Variants in KCNQ3 observed in about 807,000 individuals in gnomAD.
The protein encoded by KCNQ3 is potassium voltage-gated channel subfamily Q member 3.
A neutral mutation model predicts 92.5 loss-of-function variants in KCNQ3; 30 were observed. The ratio of observed to expected loss-of-function variants is 0.32; its 90% confidence interval spans 0.24 to 0.44. KCNQ3 has a LOEUF of 0.44. KCNQ3 is among the 20% of genes least tolerant of loss of function. The pLI is 1.00. For synonymous variants in KCNQ3, 450 were observed against 468.8 expected, an observed-to-expected ratio of 0.96 and a Z score of 0.52; for missense variants, 913 against 1,140.3, an observed-to-expected ratio of 0.80 and a Z score of 2.87.
intron 9 of KCNQ3, among the ~76,000 whole-genome samples, chr8:132,153,180 A>G (rs967723298): frequency 1.3e-5 from 2 of 152,202 alleles, no homozygotes; most frequent in Non-Finnish European, 2.9e-5. Flanking sequence ...AAAAATCTGG[A>G]TCAATATTCT....
In KCNQ3 at chr8:132,316,143, C is replaced by A. The variant is rs139587914; in HGVS notation, c.387-129962G>T. Among the ~76,000 whole-genome samples, 978 of 152,096 alleles carry A rather than the reference C, an allele frequency of 6.4e-3. 7 individuals are homozygous for A. Among genetic ancestry groups the A allele is most frequent in the Non-Finnish European group, 0.011 (741 of 67,990 alleles). On this transcript the variant is annotated intron_variant, in intron 1 of 14. Coordinates refer to ENST00000388996, the MANE Select transcript of KCNQ3 (RefSeq NM_004519.4). The stretch of plus-strand genomic sequence containing the variant: ...GTATTTTAAAAGACTACATTTGTCC[C>A]CAGATAAGCCATCGTGATTAAATGG...
chr8:132,376,777 A>G (rs996112848), intron 1 of KCNQ3, among the ~76,000 whole-genome samples: 2 of 152,168 alleles, frequency 1.3e-5, no homozygotes, highest in African/African-American at 4.8e-5. Flanking sequence ...TGTTCTCTTC[A>G]TTTCATTAAG....
At chr8:132,192,891 C>T (rs1342758797) in intron 1 of KCNQ3, among the ~76,000 whole-genome samples, 3 of 152,226 alleles carry the variant, frequency 2.0e-5, no homozygotes, top group Non-Finnish European at 2.9e-5. Context: ...AGGTGATCCA[C>T]CTGACTCGGC....
intron 1 of KCNQ3, among the ~76,000 whole-genome samples, chr8:132,348,311 A>C (rs1221197287): frequency 6.6e-6 from 1 of 152,168 alleles, no homozygotes; most frequent in Non-Finnish European, 1.5e-5. Flanking sequence ...ATATCTGTGT[A>C]AATTTGCAAC....
At chr8:132,228,522 T>C (rs1350987004) in intron 1 of KCNQ3, among the ~76,000 whole-genome samples, 1 of 152,172 alleles carries the variant, frequency 6.6e-6, no homozygotes, top group Non-Finnish European at 1.5e-5. Flanking sequence ...TTGAGAGTTT[T>C]AGATTAATTA....
In KCNQ3 at chr8:132,351,575, T is replaced by G. The variant is rs545548083; in HGVS notation, c.386+128572A>C. ...GGTGTTCCCTCCTCCACAGTGGCTG[T>G]GGGGCTGGAAGTAGGCCCTCCCAGT... On this transcript the variant is annotated intron_variant, in intron 1 of 14. Coordinates refer to ENST00000388996, the MANE Select transcript of KCNQ3 (RefSeq NM_004519.4). 4.4e-3 allele frequency among the ~76,000 whole-genome samples: 676 copies of G among 152,276 alleles called. 3 individuals are homozygous for G. Among genetic ancestry groups the G allele is most frequent in the African/African-American group, 0.014 (595 of 41,568 alleles).
chr8:132,369,673 T>C (rs559522072), intron 1 of KCNQ3, among the ~76,000 whole-genome samples: 8 of 152,144 alleles, frequency 5.3e-5, no homozygotes, highest in African/African-American at 1.9e-4. Context: ...TGAGGAACTG[T>C]GGTTCAGCAA....
At chr8:132,234,276 G>C (rs2130382428) in intron 1 of KCNQ3, among the ~76,000 whole-genome samples, 1 of 151,502 alleles carries the variant, frequency 6.6e-6, no homozygotes, top group Middle Eastern at 3.5e-3. Context: ...CTGTAAAGTG[G>C]GTGTTCAGAT....
chr8:132,159,511 T>C (rs1158540030), intron 9 of KCNQ3, among the ~76,000 whole-genome samples: 2 of 152,118 alleles, frequency 1.3e-5, no homozygotes, highest in African/African-American at 4.8e-5. Flanking sequence ...TCAAACTGGG[T>C]CAATCTGAGT....
At position 132,480,627 on chromosome 8, in the gene KCNQ3, C is replaced by T; in HGVS notation, c.-95G>A. The stretch of plus-strand genomic sequence containing the variant: ...GTGAACGAGGCGGCGGCGGCGGCTG[C>T]AAGCCCGGGAACTCCAATGCCATGA... On this transcript the variant is annotated 5_prime_UTR_variant, in exon 1 of 15. Coordinates refer to ENST00000388996, the MANE Select transcript of KCNQ3 (RefSeq NM_004519.4). The T allele has an allele frequency of 8.5e-7, 1 of 1,175,536 alleles. No homozygotes were observed. Among genetic ancestry groups the T allele is most frequent in the Non-Finnish European group, 1.1e-6 (1 of 931,524 alleles). The allele number at this position is 1,175,536 out of a possible 1,614,324, so 72.8% of individuals were successfully genotyped here.
At chr8:132,178,633 G>T (rs1826647651) in intron 4 of KCNQ3, among the ~76,000 whole-genome samples, 1 of 152,010 alleles carries the variant, frequency 6.6e-6, no homozygotes. Flanking sequence ...GAGCCAAGTT[G>T]CTGTCTGACT....
At chr8:132,268,031 T>G (rs1263311579) in intron 1 of KCNQ3, among the ~76,000 whole-genome samples, 2 of 152,168 alleles carry the variant, frequency 1.3e-5, no homozygotes, top group African/African-American at 4.8e-5. Context: ...GGATCCACCA[T>G]AACAGTACCA....
Position 132,480,670 on chromosome 8 carries a change from A to AGC in KCNQ3, c.-139_-138insGC. Reference sequence around the variant, plus strand: ...TGCCATGATCCGCGCGCCCCTCCCCACCCCCCCCCAAAAGCAGGCAAAGGC... The same window carrying AGC: ...TGCCATGATCCGCGCGCCCCTCCCCAGCCCCCCCCCCAAAAGCAGGCAAAGGC... On this transcript the variant is annotated 5_prime_UTR_variant, in exon 1 of 15. Coordinates refer to ENST00000388996, the MANE Select transcript of KCNQ3 (RefSeq NM_004519.4). 1 of 723,904 alleles carries AGC rather than the reference A, an allele frequency of 1.4e-6. No homozygotes were observed. Among genetic ancestry groups the AGC allele is most frequent in the Non-Finnish European group, 1.7e-6 (1 of 599,900 alleles). The allele number at this position is 723,904 out of a possible 1,614,324, so 44.8% of individuals were successfully genotyped here. A position where few individuals can be genotyped will look rare whatever the true frequency, so the allele number is the denominator to read the frequency against.
intron 1 of KCNQ3, among the ~76,000 whole-genome samples, chr8:132,440,729 G>T (rs953113477): frequency 3.9e-5 from 6 of 152,132 alleles, no homozygotes; most frequent in African/African-American, 7.2e-5. Flanking sequence ...CAGGAGGGGG[G>T]TTACTAACCC....
chr8:132,230,050 C>G (rs979698590), intron 1 of KCNQ3, among the ~76,000 whole-genome samples: 1 of 152,154 alleles, frequency 6.6e-6, no homozygotes, highest in Non-Finnish European at 1.5e-5. Context: ...GTCTGGGAAG[C>G]CAGCTTTGTC....
intron 1 of KCNQ3, among the ~76,000 whole-genome samples, chr8:132,239,779 G>A (rs1350715086): frequency 1.3e-5 from 2 of 152,164 alleles, no homozygotes; most frequent in Non-Finnish European, 2.9e-5. Flanking sequence ...TGTATCCCAC[G>A]ATAGTTGAGT....
intron 1 of KCNQ3, among the ~76,000 whole-genome samples, chr8:132,317,827 G>C (rs1586922098): frequency 6.6e-6 from 1 of 152,188 alleles, no homozygotes; most frequent in East Asian, 1.9e-4. Context: ...ATAGATTCAT[G>C]CTCAGAGAGA....
intron 12 of KCNQ3, 65 bp from the exon 13 acceptor site, chr8:132,134,453 C>A: frequency 1.8e-6 from 2 of 1,103,274 alleles, no homozygotes; most frequent in South Asian, 1.3e-5. Flanking sequence ...GAAAACAAAT[C>A]ATTCTATTCT....
intron 1 of KCNQ3, among the ~76,000 whole-genome samples, chr8:132,357,600 G>T (rs183541846): frequency 6.6e-6 from 1 of 152,156 alleles, no homozygotes; most frequent in Non-Finnish European, 1.5e-5. Flanking sequence ...TGGGATGAGC[G>T]CAGGAGACAT....
Sources: allele counts gnomAD v4.1 joint callset (sites outside exome capture counted in the v4.1 genomes callset), GRCh38; gene constraint gnomAD v4.1.1; transcripts MANE v1.5; gene names NCBI Gene and HGNC (gene_info 2026-07-23, HGNC 2026-07-21).